Variants in OR52N4 observed in about 807,000 individuals in gnomAD.
The protein encoded by OR52N4 is olfactory receptor family 52 subfamily N member 4.
In OR52N4, 15 loss-of-function variants were observed where a neutral mutation model predicts 15.0. The ratio of observed to expected loss-of-function variants is 1.00; its 90% CI spans 0.67 to 1.54. OR52N4 has a LOEUF of 1.54. Ranked by LOEUF, OR52N4 falls within the 40% of genes most tolerant of loss-of-function variation. The pLI is 0.00. For synonymous variants in OR52N4, 143 were observed against 143.7 expected, an observed-to-expected ratio of 1.00 and a Z score of 0.03; for missense variants, 421 against 394.0, an observed-to-expected ratio of 1.07 and a Z score of -0.58.
chr11:5,727,098 T>C, the OR52N4 span: 1 of 152,864 alleles, frequency 6.5e-6, no homozygotes, highest in Non-Finnish European at 1.5e-5. Flanking sequence ...ACCGTGTGTA[T>C]GGGCTGACAG....
chr11:5,745,665 A>C, the OR52N4 span, among the ~76,000 whole-genome samples: 5 of 152,184 alleles, frequency 3.3e-5, no homozygotes, highest in African/African-American at 7.2e-5. Context: ...CAAATTACCA[A>C]TATCATTTTT....
chr11:5,751,551 C>T (rs986088270), upstream of OR52N4, among the ~76,000 whole-genome samples: 4 of 151,714 alleles, frequency 2.6e-5, no homozygotes, highest in Admixed American at 6.6e-5. Flanking sequence ...TGGTAAAAAC[C>T]GCAATTATGT....
the OR52N4 span, among the ~76,000 whole-genome samples, chr11:5,742,530 C>T: frequency 6.6e-6 from 1 of 152,156 alleles, no homozygotes; most frequent in African/African-American, 2.4e-5. Context: ...TACTCCTCAA[C>T]AGAAATCTTA....
the OR52N4 span, among the ~76,000 whole-genome samples, chr11:5,743,818 A>C: frequency 6.6e-6 from 1 of 152,190 alleles, no homozygotes; most frequent in Non-Finnish European, 1.5e-5. Context: ...TTGTACCTCA[A>C]GGAACCAGAC....
chr11:5,730,002 CA>C, the OR52N4 span, among the ~76,000 whole-genome samples: 7 of 152,086 alleles, frequency 4.6e-5, no homozygotes, highest in East Asian at 1.3e-3. Context: ...TTTACTGGCA[CA>C]TTTGCCCCAT....
the OR52N4 span, among the ~76,000 whole-genome samples, chr11:5,744,749 C>G: frequency 6.6e-6 from 1 of 152,114 alleles, no homozygotes; most frequent in Non-Finnish European, 1.5e-5. Flanking sequence ...CCTGTCTCTA[C>G]TAAAAATACA....
At position 5,754,779 on chromosome 11, in the gene OR52N4, A is replaced by G. The variant is rs1048188713; in HGVS notation, c.39A>G (p.Ser13=). Residue 13 remains serine (S), a synonymous_variant, in exon 2 of 2, where the codon TCA becomes TCG. Transcript: ENST00000641350. ...TLNKTDLIPA[S]FILNGVPGLE... ...ATAAAACAGACCTAATACCAGCTTCATTTATTCTGAATGGAGTCCCAGGAC... is the reference window on the plus strand; with the variant it reads ...ATAAAACAGACCTAATACCAGCTTCGTTTATTCTGAATGGAGTCCCAGGAC... The G allele has an allele frequency of 9.9e-6, 16 of 1,613,300 alleles. No homozygotes were observed. The highest frequency in any genetic ancestry group is 1.7e-5 in the Admixed American group (1 of 59,936).
chr11:5,726,838 G>A, the OR52N4 span: 1 of 156,692 alleles, frequency 6.4e-6, no homozygotes, highest in South Asian at 2.0e-4. Context: ...TCTGCATGAT[G>A]GAGTCCACTG....
chr11:5,751,425 T>C (rs1465388904), upstream of OR52N4, among the ~76,000 whole-genome samples: 1 of 152,032 alleles, frequency 6.6e-6, no homozygotes, highest in African/African-American at 2.4e-5. Flanking sequence ...TGTTTAGCTT[T>C]TCTAGTAATC....
the OR52N4 span, among the ~76,000 whole-genome samples, chr11:5,729,529 C>T: frequency 6.6e-6 from 1 of 152,162 alleles, no homozygotes; most frequent in African/African-American, 2.4e-5. Context: ...GCACAGAAAC[C>T]TACAACCCCA....
At chr11:5,728,110 C>T in the OR52N4 span, among the ~76,000 whole-genome samples, 1 of 152,156 alleles carries the variant, frequency 6.6e-6, no homozygotes, top group African/African-American at 2.4e-5. Flanking sequence ...CTATTTATCT[C>T]ACAGGTACAC....
chr11:5,736,567 G>T, the OR52N4 span: 1 of 1,613,886 alleles, frequency 6.2e-7, no homozygotes, highest in Non-Finnish European at 8.5e-7. Flanking sequence ...CCAAATTCCA[G>T]GTCTCTGAGT....
At chr11:5,736,276 A>C in the OR52N4 span, 1 of 498,092 alleles carries the variant, frequency 2.0e-6, no homozygotes, top group East Asian at 3.5e-5. Flanking sequence ...TGTAGCTATA[A>C]ATTTCATCTC....
chr11:5,737,090 G>A, the OR52N4 span: 1 of 1,613,988 alleles, frequency 6.2e-7, no homozygotes, highest in Non-Finnish European at 8.5e-7. Flanking sequence ...CTCTAACCTT[G>A]GGGTCACAAG....
chr11:5,731,725 C>A, the OR52N4 span, among the ~76,000 whole-genome samples: 1 of 152,044 alleles, frequency 6.6e-6, no homozygotes, highest in Non-Finnish European at 1.5e-5. Context: ...TGGAAAGTGG[C>A]TCTCATCACC....
chr11:5,737,092 G>T, the OR52N4 span: 1 of 1,613,964 alleles, frequency 6.2e-7, no homozygotes, highest in Non-Finnish European at 8.5e-7. Flanking sequence ...CTAACCTTGG[G>T]GTCACAAGCC....
At chr11:5,736,642 A>G in the OR52N4 span, 5 of 1,613,798 alleles carry the variant, frequency 3.1e-6, no homozygotes, top group Non-Finnish European at 4.2e-6. Context: ...CCCTGGCACT[A>G]CTGTATCTCT....
upstream of OR52N4, among the ~76,000 whole-genome samples, chr11:5,751,123 T>A (rs1484170987): frequency 6.6e-6 from 1 of 152,060 alleles, no homozygotes; most frequent in African/African-American, 2.4e-5. Context: ...GACTTGAGTG[T>A]TTTAGCTTTG....
rs746167351 is a variant in OR52N4, at chr11:5,754,845, T to C, written c.105T>C (p.Ser35=). The change falls in exon 2 of 2, where the codon TCT becomes TCC. Residue 35 remains serine (S), a synonymous_variant. Transcript: ENST00000641350. ...TCTGGATTTCCTTCCCATTCTGCTC[T>C]ATGTATGTTGTGGCTATGGTAGGGA... ...TQLWISFPFC[S]MYVVAMVGNC... 2.2e-5 allele frequency: 36 copies of C among 1,613,838 alleles called. No individual in the cohort carries two copies. The highest frequency in any genetic ancestry group is 2.2e-4 in the East Asian group (10 of 44,868).
Sources: gnomAD v4.1 joint callset for allele counts (sites outside exome capture counted in the v4.1 genomes callset) on GRCh38, gnomAD v4.1.1 for gene constraint, MANE v1.5 for transcripts, NCBI Gene and HGNC (gene_info 2026-07-23, HGNC 2026-07-21) for gene names.